Variants in SPATA17 observed in about 807,000 individuals in gnomAD.
The protein encoded by SPATA17 is spermatogenesis-associated protein 17.
A neutral mutation model predicts 62.2 loss-of-function variants in SPATA17; 53 were observed. That is an observed-to-expected ratio of 0.85 (90% CI 0.68 to 1.07). The LOEUF is 1.07. Among genes scored for constraint, SPATA17 ranks in the 50% least tolerant of loss-of-function variants. The pLI, the probability that SPATA17 is intolerant of heterozygous loss-of-function variation, is 0.00. For synonymous variants in SPATA17, 146 were observed against 146.8 expected, an observed-to-expected ratio of 0.99 and a Z score of 0.04; for missense variants, 466 against 425.5, an observed-to-expected ratio of 1.10 and a Z score of -0.84.
chr1:217,741,477 TTGAAGTGTCAAC>T (rs1672623622), intron 5 of SPATA17, among the ~76,000 whole-genome samples: 1 of 152,152 alleles, frequency 6.6e-6, no homozygotes, highest in African/African-American at 2.4e-5. Context: ...TTGGTATTAT[TTGAAGTGTCAAC>T]TGAAGTAAAC....
intron 9 of SPATA17, among the ~76,000 whole-genome samples, chr1:217,848,704 T>C (rs189171191): frequency 2.6e-5 from 4 of 152,182 alleles, no homozygotes; most frequent in Non-Finnish European, 5.9e-5. Context: ...TATTCTGTTT[T>C]AAGCCATTGT....
At chr1:217,728,558 T>A (rs1297650168) in intron 5 of SPATA17, among the ~76,000 whole-genome samples, 1 of 152,206 alleles carries the variant, frequency 6.6e-6, no homozygotes, top group Admixed American at 6.5e-5. Flanking sequence ...CTCATTTGTT[T>A]GCTTTTTGAA....
intron 9 of SPATA17, among the ~76,000 whole-genome samples, chr1:217,842,887 A>G (rs988693069): frequency 1.3e-5 from 2 of 152,048 alleles, no homozygotes; most frequent in Non-Finnish European, 2.9e-5. Context: ...ATAAGGCTAT[A>G]AATTTCCCTC....
intron 5 of SPATA17, among the ~76,000 whole-genome samples, chr1:217,718,248 A>C (rs1558578327): frequency 6.6e-6 from 1 of 152,200 alleles, no homozygotes; most frequent in African/African-American, 2.4e-5. Flanking sequence ...GTGCCTATCT[A>C]AAAGAATACC....
chr1:217,683,269 A>G lies in SPATA17; in HGVS notation c.303A>G (p.Arg101=). 1 of 1,602,902 alleles carries G rather than the reference A, an allele frequency of 6.2e-7. No homozygotes were observed. The highest frequency in any genetic ancestry group is 1.7e-4 in the Middle Eastern group (1 of 5,984). ...ATTTACTTTAATAGATTCAGAGACG[A>G]TGGCGAGGCTATAGGGTTCGGAAGT... ...YNAMAVRIQR[R]WRGYRVRKYL... The change falls in exon 5 of 11, where the codon CGA becomes CGG. Residue 101 remains arginine (R), a synonymous_variant. Transcript: ENST00000366933.
chr1:217,812,018 A>G (rs1424831488), intron 9 of SPATA17, among the ~76,000 whole-genome samples: 2 of 152,154 alleles, frequency 1.3e-5, no homozygotes, highest in Non-Finnish European at 2.9e-5. Flanking sequence ...ACATGATCTT[A>G]TGGTTCTTCT....
chr1:217,731,457 C>A (rs1054084265), intron 5 of SPATA17, among the ~76,000 whole-genome samples: 4 of 152,182 alleles, frequency 2.6e-5, no homozygotes, highest in African/African-American at 9.6e-5. Flanking sequence ...ATGTAGGCAC[C>A]CAAGCCAGGA....
At chr1:217,712,128 C>CTTTTTTTTTTTTTTTTTTTTTTTTTTT (rs551988828) in intron 5 of SPATA17, among the ~76,000 whole-genome samples, 5 of 134,136 alleles carry the variant, frequency 3.7e-5, no homozygotes, top group African/African-American at 1.4e-4. Flanking sequence ...ACAATATGTT[C>CTTTTTTTTTTTTTTTTTTTTTTTTTTT]TTTTGTTTTT....
At chr1:217,655,886 G>T (rs1208304304) in intron 3 of SPATA17, among the ~76,000 whole-genome samples, 2 of 152,056 alleles carry the variant, frequency 1.3e-5, no homozygotes, top group Admixed American at 6.6e-5. Context: ...AGCACCTTTA[G>T]TCCCATTATT....
At chr1:217,792,160 G>A (rs1674008002) in intron 8 of SPATA17, among the ~76,000 whole-genome samples, 1 of 152,152 alleles carries the variant, frequency 6.6e-6, no homozygotes, top group Admixed American at 6.5e-5. Context: ...GCATGGGTTA[G>A]ACAAGTTTGC....
At chr1:217,774,572 T>C in intron 7 of SPATA17, 35 bp downstream of exon 7, 4 of 1,581,544 alleles carry the variant, frequency 2.5e-6, no homozygotes, top group Non-Finnish European at 3.5e-6. Flanking sequence ...CTGTCATTAA[T>C]TTTATTCTTG....
chr1:217,714,707 G>C (rs1336500156), intron 5 of SPATA17, among the ~76,000 whole-genome samples: 2 of 151,558 alleles, frequency 1.3e-5, no homozygotes, highest in Non-Finnish European at 2.9e-5. Context: ...GGATGGTCTC[G>C]ATCTCCTGAC....
intron 5 of SPATA17, among the ~76,000 whole-genome samples, chr1:217,723,483 G>A (rs1029107513): frequency 2.0e-5 from 3 of 152,024 alleles, no homozygotes; most frequent in South Asian, 2.1e-4. Flanking sequence ...GTATACTTCC[G>A]TAATTCTCCG....
At chr1:217,743,257 A>C (rs544552995) in intron 6 of SPATA17, among the ~76,000 whole-genome samples, 37 of 152,216 alleles carry the variant, frequency 2.4e-4, no homozygotes, top group African/African-American at 8.7e-4. Context: ...TTTAAAAATT[A>C]AAAGTCAAAA....
chr1:217,653,561 A>T (rs1347637558), intron 3 of SPATA17, among the ~76,000 whole-genome samples: 1 of 151,972 alleles, frequency 6.6e-6, no homozygotes, highest in Non-Finnish European at 1.5e-5. Context: ...TTACATCTTC[A>T]TGATCTTCAT....
At chr1:217,744,545 T>A (rs185178677) in intron 6 of SPATA17, among the ~76,000 whole-genome samples, 1 of 151,946 alleles carries the variant, frequency 6.6e-6, no homozygotes, top group South Asian at 2.1e-4. Flanking sequence ...TTTTCAGGTA[T>A]TACCATTGTG....
chr1:217,752,767 C>T (rs899232288), intron 6 of SPATA17, among the ~76,000 whole-genome samples: 4 of 152,158 alleles, frequency 2.6e-5, no homozygotes, highest in Non-Finnish European at 4.4e-5. Context: ...AACCTCGCTT[C>T]TCCCCCACTT....
At chr1:217,830,045 C>T (rs1338896241) in intron 9 of SPATA17, among the ~76,000 whole-genome samples, 1 of 151,986 alleles carries the variant, frequency 6.6e-6, no homozygotes, top group Admixed American at 6.6e-5. Flanking sequence ...CAAATATACA[C>T]AATAAAATTT....
At chr1:217,684,220 A>G (rs970172496) in intron 5 of SPATA17, among the ~76,000 whole-genome samples, 12 of 152,198 alleles carry the variant, frequency 7.9e-5, no homozygotes, top group Non-Finnish European at 7.3e-5. Context: ...CCAAAGTTCT[A>G]TATGTTAAGT....
Sources: gnomAD v4.1 joint callset for allele counts (sites outside exome capture counted in the v4.1 genomes callset) on GRCh38, gnomAD v4.1.1 for gene constraint, MANE v1.5 for transcripts, NCBI Gene and HGNC (gene_info 2026-07-23, HGNC 2026-07-21) for gene names.